Variants in GALNT2 observed in about 807,000 individuals in gnomAD.
GALNT2 encodes UDP-GalNAc:polypeptide N-acetylgalactosaminyltransferase 2.
A neutral mutation model predicts 81.4 loss-of-function variants in GALNT2; 31 were observed. The observed-to-expected ratio is 0.38, with a 90% CI of 0.29 to 0.51. The LOEUF is 0.51. GALNT2 is among the 20% of genes least tolerant of loss of function. GALNT2 has a pLI of 0.87. For synonymous variants in GALNT2, 303 were observed against 287.4 expected (o/e 1.05, Z -0.55); for missense variants, 629 against 765.7 (o/e 0.82, Z 2.11).
chr1:230,084,768 T>C (rs547725573), intron 1 of GALNT2, among the ~76,000 whole-genome samples: 2 of 152,254 alleles, frequency 1.3e-5, no homozygotes, highest in African/African-American at 4.8e-5. Context: ...TGCCCTTTTC[T>C]GCTGGGATCT....
At chr1:230,195,182 G>A (rs549920261) in intron 2 of GALNT2, among the ~76,000 whole-genome samples, 41 of 152,242 alleles carry the variant, frequency 2.7e-4, no homozygotes, top group Non-Finnish European at 5.3e-4. Flanking sequence ...CCGAGAGGTG[G>A]CTATAATTTC....
chr1:230,153,102 T>C (rs945675081), intron 1 of GALNT2, among the ~76,000 whole-genome samples: 1 of 152,248 alleles, frequency 6.6e-6, no homozygotes, highest in Non-Finnish European at 1.5e-5. Context: ...CTTACCGTGT[T>C]GTCCAGGCTG....
At chr1:230,246,007 G>C (rs1035692611) in intron 7 of GALNT2, 56 bp from the exon 8 acceptor site, 6 of 1,421,166 alleles carry the variant, frequency 4.2e-6, no homozygotes, top group Non-Finnish European at 6.0e-6. Context: ...TCTGTGGTTG[G>C]GCAGGTTTTT....
chr1:230,263,062 C>A, intron 13 of GALNT2, 57 bp downstream of exon 13: 2 of 1,426,384 alleles, frequency 1.4e-6, no homozygotes, highest in Non-Finnish European at 2.0e-6. Context: ...CCAGTAAGGC[C>A]ATAGAAGCAG....
At chr1:230,151,017 G>A (rs1662079106) in intron 1 of GALNT2, among the ~76,000 whole-genome samples, 1 of 152,248 alleles carries the variant, frequency 6.6e-6, no homozygotes, top group African/African-American at 2.4e-5. Context: ...GTAACTTTGT[G>A]TGACTTGTTG....
At chr1:230,141,752 A>C (rs1461167586) in intron 1 of GALNT2, among the ~76,000 whole-genome samples, 1 of 148,568 alleles carries the variant, frequency 6.7e-6, no homozygotes, top group Non-Finnish European at 1.5e-5. Context: ...ATGGGTATAC[A>C]GATATCTCTT....
At chr1:230,127,485 C>T (rs1661223163) in intron 1 of GALNT2, among the ~76,000 whole-genome samples, 1 of 152,030 alleles carries the variant, frequency 6.6e-6, no homozygotes, top group South Asian at 2.1e-4. Flanking sequence ...AAGTGATTCT[C>T]CTGCCTCAGC....
upstream of GALNT2, among the ~76,000 whole-genome samples, chr1:230,063,028 A>C (rs2102734210): frequency 6.6e-6 from 1 of 152,204 alleles, no homozygotes; most frequent in South Asian, 2.1e-4. Context: ...AAAATGTTTT[A>C]TAGGCTGGGC....
chr1:230,111,000 T>C, intron 1 of GALNT2, among the ~76,000 whole-genome samples: 1 of 152,304 alleles, frequency 6.6e-6, no homozygotes, highest in African/African-American at 2.4e-5. Flanking sequence ...TGCAGGAATG[T>C]GTGTGCGTGT....
At chr1:230,222,782 T>C (rs1664589540) in intron 3 of GALNT2, among the ~76,000 whole-genome samples, 1 of 152,182 alleles carries the variant, frequency 6.6e-6, no homozygotes, top group Admixed American at 6.5e-5. Context: ...CACACATTAC[T>C]CATTTAATTC....
chr1:230,230,285 A>G (rs371463391), intron 3 of GALNT2, among the ~76,000 whole-genome samples: 1 of 152,146 alleles, frequency 6.6e-6, no homozygotes, highest in African/African-American at 2.4e-5. Context: ...GGCAGACTCA[A>G]ACTCAATTTA....
chr1:230,174,431 C>T (rs1048410618), intron 1 of GALNT2, among the ~76,000 whole-genome samples: 1 of 152,154 alleles, frequency 6.6e-6, no homozygotes, highest in East Asian at 1.9e-4. Context: ...CAGATGCCTC[C>T]TCTTGGTATC....
intron 3 of GALNT2, among the ~76,000 whole-genome samples, chr1:230,208,895 G>T (rs569016390): frequency 2.2e-4 from 33 of 152,138 alleles, no homozygotes; most frequent in South Asian, 8.3e-4. Context: ...TACCCGTGGG[G>T]TGCTCCTGGC....
rs1479477454 is a variant in GALNT2, at chr1:230,276,790, G to A, written c.1560+2226G>A. 5.3e-5 allele frequency among the ~76,000 whole-genome samples: 8 copies of A among 152,324 alleles called. No homozygotes were observed. In the East Asian group the frequency reaches 1.5e-3, roughly 29 times the overall value. On this transcript the variant is annotated intron_variant, in intron 15 of 15. Coordinates refer to ENST00000366672, the MANE Select transcript of GALNT2 (RefSeq NM_004481.5). Reference sequence around the variant, plus strand: ...GTGTAAGGGAGTGCCTGTTAAACAAGAGAAGGCTAGCACCGCTTGGACCCA... The same window carrying A: ...GTGTAAGGGAGTGCCTGTTAAACAAAAGAAGGCTAGCACCGCTTGGACCCA...
At chr1:230,202,399 G>C (rs894328440) in intron 2 of GALNT2, among the ~76,000 whole-genome samples, 1 of 152,176 alleles carries the variant, frequency 6.6e-6, no homozygotes, top group Non-Finnish European at 1.5e-5. Context: ...GAGCTCCTCA[G>C]TGCAGTGGTG....
chr1:230,134,658 T>C (rs1156601667), intron 1 of GALNT2, among the ~76,000 whole-genome samples: 1 of 152,148 alleles, frequency 6.6e-6, no homozygotes, highest in Non-Finnish European at 1.5e-5. Flanking sequence ...ATTTATAAAC[T>C]CCTTCTGTAT....
chr1:230,200,554 C>A (rs1663858997), intron 2 of GALNT2, among the ~76,000 whole-genome samples: 1 of 152,200 alleles, frequency 6.6e-6, no homozygotes, highest in Admixed American at 6.5e-5. Context: ...AGACATCTTG[C>A]AAACCCTGTG....
At chr1:230,153,646 C>A (rs74143106) in intron 1 of GALNT2, among the ~76,000 whole-genome samples, 98 of 152,336 alleles carry the variant, frequency 6.4e-4, no homozygotes, top group African/African-American at 2.3e-3. Context: ...TCCAGCCCCA[C>A]GCCCCTGAGT....
intron 1 of GALNT2, among the ~76,000 whole-genome samples, chr1:230,120,332 A>AGCCCTTGGAT (rs67628420): frequency 3.1e-4 from 46 of 150,438 alleles, no homozygotes; most frequent in African/African-American, 1.1e-3. Flanking sequence ...TATCAGGAAC[A>AGCCCTTGGAT]GCCCTTGGAT....
Sources: allele counts gnomAD v4.1 joint callset (sites outside exome capture counted in the v4.1 genomes callset), GRCh38; gene constraint gnomAD v4.1.1; transcripts MANE v1.5; gene names NCBI Gene and HGNC (gene_info 2026-07-23, HGNC 2026-07-21).